Variants in SH3RF3 observed in about 807,000 individuals in gnomAD.
SH3RF3 encodes E3 ubiquitin-protein ligase SH3RF3.
A neutral mutation model predicts 66.3 loss-of-function variants in SH3RF3; 29 were observed. The ratio of observed to expected loss-of-function variants is 0.44; its 90% CI spans 0.33 to 0.60. The LOEUF (loss-of-function observed/expected upper bound fraction) is 0.60, where lower values mean the gene tolerates loss of function less well. Ranked by LOEUF, SH3RF3 falls within the 20% of genes least tolerant of loss-of-function variation. SH3RF3 has a pLI of 0.04. For synonymous variants in SH3RF3, 583 were observed against 532.0 expected (o/e 1.10, Z -1.32); for missense variants, 1,194 against 1,190.9 (o/e 1.00, Z -0.04).
At chr2:109,359,458 A>G (rs1357849591) in intron 2 of SH3RF3, among the ~76,000 whole-genome samples, 1 of 152,200 alleles carries the variant, frequency 6.6e-6, no homozygotes, top group Non-Finnish European at 1.5e-5. Context: ...TGAGATTTTT[A>G]ATTTTCCCTA....
rs1676038646 is a variant in SH3RF3, at chr2:109,392,786, A to AT, written c.946-5802dup. On this transcript the variant is annotated intron_variant, in intron 3 of 9. Coordinates refer to ENST00000309415, the MANE Select transcript of SH3RF3 (RefSeq NM_001099289.3). Reference sequence around the variant, plus strand: ...CACCTCAGCCTCCCAAAGTGCTGAGATTACAGGCGTCAGCCACCACGCACG... The same window carrying AT: ...CACCTCAGCCTCCCAAAGTGCTGAGATTTACAGGCGTCAGCCACCACGCACG... 1.1e-4 allele frequency among the ~76,000 whole-genome samples: 17 copies of AT among 152,164 alleles called. No individual in the cohort carries two copies. In the South Asian group the frequency reaches 3.3e-3, roughly 30 times the overall value.
intron 8 of SH3RF3, among the ~76,000 whole-genome samples, chr2:109,459,925 A>G (rs531178881): frequency 1.3e-5 from 2 of 152,316 alleles, no homozygotes; most frequent in Admixed American, 1.3e-4. Context: ...AAATAGCACC[A>G]TATATTTGAT....
At chr2:109,357,470 C>T (rs957807462) in intron 2 of SH3RF3, among the ~76,000 whole-genome samples, 7 of 152,190 alleles carry the variant, frequency 4.6e-5, no homozygotes, top group East Asian at 3.8e-4. Context: ...CGTGAGCCAC[C>T]GCACCCGGCC....
chr2:109,352,718 A>G (rs1314469195), intron 2 of SH3RF3, among the ~76,000 whole-genome samples: 1 of 152,080 alleles, frequency 6.6e-6, no homozygotes, highest in Non-Finnish European at 1.5e-5. Context: ...TTCTCCTCCT[A>G]GGCTCAGTGC....
At chr2:109,225,049 G>A (rs912782429) in intron 1 of SH3RF3, among the ~76,000 whole-genome samples, 4 of 152,104 alleles carry the variant, frequency 2.6e-5, no homozygotes, top group South Asian at 2.1e-4. Flanking sequence ...CTGAGACATA[G>A]CTTTTTGACA....
chr2:109,418,680 A>G (rs1453457916), intron 4 of SH3RF3, among the ~76,000 whole-genome samples: 1 of 152,184 alleles, frequency 6.6e-6, no homozygotes, highest in Non-Finnish European at 1.5e-5. Flanking sequence ...CCTATTCCAG[A>G]TAAGACCACA....
intron 5 of SH3RF3, among the ~76,000 whole-genome samples, 177 bp downstream of exon 5, chr2:109,419,819 G>A (rs1484833629): frequency 6.6e-6 from 1 of 152,216 alleles, no homozygotes; most frequent in Admixed American, 6.5e-5. Context: ...AAAGTCTAGC[G>A]GTTCCTTCTG....
chr2:109,403,992 A>G (rs957270133), intron 4 of SH3RF3, among the ~76,000 whole-genome samples: 4 of 152,094 alleles, frequency 2.6e-5, no homozygotes, highest in Admixed American at 2.0e-4. Context: ...TGCTCAGGGA[A>G]TCAGGGAATG....
chr2:109,493,537 C>T (rs958445147), intron 9 of SH3RF3, among the ~76,000 whole-genome samples: 1 of 151,366 alleles, frequency 6.6e-6, no homozygotes, highest in Non-Finnish European at 1.5e-5. Flanking sequence ...TACCCACACC[C>T]TTCACACACC....
chr2:109,284,281 G>A lies in SH3RF3; in HGVS notation c.574-63393G>A, dbSNP rs149552246. Among the ~76,000 whole-genome samples, 754 of 152,318 alleles carry A rather than the reference G, an allele frequency of 5.0e-3. 3 individuals carry two copies. Among genetic ancestry groups the A allele is most frequent in the African/African-American group, 0.017 (703 of 41,562 alleles). ...GTTCATTTCCTTGAGCATCTTCACT[G>A]TATTAGTAGCCATGAGTATTACTGA... On this transcript the variant is annotated intron_variant, in intron 1 of 9. Coordinates refer to ENST00000309415, the MANE Select transcript of SH3RF3 (RefSeq NM_001099289.3).
intron 1 of SH3RF3, among the ~76,000 whole-genome samples, chr2:109,247,365 GT>G (rs1679942255): frequency 6.6e-6 from 1 of 152,178 alleles, no homozygotes; most frequent in Non-Finnish European, 1.5e-5. Context: ...TTCTAGATCA[GT>G]TTACTTCCTA....
chr2:109,291,457 A>AG (rs1345672129), intron 1 of SH3RF3, among the ~76,000 whole-genome samples: 1 of 152,134 alleles, frequency 6.6e-6, no homozygotes, highest in East Asian at 1.9e-4. Context: ...GTCAGATGGT[A>AG]GGGCCAGGAG....
At chr2:109,286,469 C>T (rs1366411628) in intron 1 of SH3RF3, among the ~76,000 whole-genome samples, 1 of 152,184 alleles carries the variant, frequency 6.6e-6, no homozygotes, top group African/African-American at 2.4e-5. Flanking sequence ...CTCTCAGCTG[C>T]ACCACAGTCC....
chr2:109,320,253 G>C (rs1374195114), intron 1 of SH3RF3, among the ~76,000 whole-genome samples: 4 of 152,194 alleles, frequency 2.6e-5, no homozygotes, highest in African/African-American at 9.6e-5. Flanking sequence ...GGGCAGAGGA[G>C]GGCGGTGGGA....
chr2:109,328,539 A>G (rs1047062180), intron 1 of SH3RF3, among the ~76,000 whole-genome samples: 1 of 152,184 alleles, frequency 6.6e-6, no homozygotes, highest in East Asian at 1.9e-4. Flanking sequence ...AACACTTTCT[A>G]GGTGGGGCTG....
intron 1 of SH3RF3, among the ~76,000 whole-genome samples, chr2:109,332,789 T>A (rs1214562411): frequency 1.3e-5 from 2 of 152,124 alleles, no homozygotes; most frequent in African/African-American, 4.8e-5. Flanking sequence ...GTGTGGGTGG[T>A]GAGAAATAGG....
At chr2:109,143,838 A>T (rs927456121) in intron 1 of SH3RF3, among the ~76,000 whole-genome samples, 1 of 151,940 alleles carries the variant, frequency 6.6e-6, no homozygotes, top group Admixed American at 6.6e-5. Flanking sequence ...ACACACGTAT[A>T]TACACAAACA....
At chr2:109,210,378 G>A (rs1294187583) in intron 1 of SH3RF3, among the ~76,000 whole-genome samples, 3 of 152,208 alleles carry the variant, frequency 2.0e-5, no homozygotes, top group Admixed American at 6.5e-5. Context: ...AAGCGGGAAA[G>A]CCTGGTCTTT....
chr2:109,242,947 G>A (rs1265556697), intron 1 of SH3RF3, among the ~76,000 whole-genome samples: 4 of 152,256 alleles, frequency 2.6e-5, no homozygotes, highest in African/African-American at 9.6e-5. Flanking sequence ...AAGGACTCTT[G>A]TCCTCTGTGT....
Sources: allele counts gnomAD v4.1 joint callset (sites outside exome capture counted in the v4.1 genomes callset), GRCh38; gene constraint gnomAD v4.1.1; transcripts MANE v1.5; gene names NCBI Gene and HGNC (gene_info 2026-07-23, HGNC 2026-07-21).